Variants in CCDC125 observed in about 807,000 individuals in gnomAD.
CCDC125 encodes the protein coiled-coil domain-containing protein 125.
CCDC125 carries 43 observed loss-of-function variants against 57.4 expected under a neutral mutation model. The observed-to-expected ratio is 0.75, with a 90% confidence interval of 0.59 to 0.97. The LOEUF (loss-of-function observed/expected upper bound fraction) is 0.97. Among genes scored for constraint, CCDC125 ranks in the 50% least tolerant of loss-of-function variants. The pLI is 0.00. For synonymous variants in CCDC125, 187 were observed against 195.2 expected, an observed-to-expected ratio of 0.96 and a Z score of 0.35; for missense variants, 563 against 595.7, an observed-to-expected ratio of 0.95 and a Z score of 0.57.
intron 9 of CCDC125, among the ~76,000 whole-genome samples, chr5:69,292,733 C>T (rs1192826476): frequency 3.3e-5 from 5 of 152,138 alleles, no homozygotes; most frequent in Non-Finnish European, 5.9e-5. Flanking sequence ...CCAGACCACA[C>T]CACTGAAAAT....
intron 1 of CCDC125, among the ~76,000 whole-genome samples, chr5:69,322,547 G>C (rs1760191428): frequency 6.6e-6 from 1 of 151,262 alleles, no homozygotes; most frequent in Admixed American, 6.6e-5. Context: ...AACACAGTGA[G>C]AACCTGTCTC....
chr5:69,315,443 A>AAG (rs1316453546), intron 2 of CCDC125, among the ~76,000 whole-genome samples: 1 of 25,738 alleles, frequency 3.9e-5, no homozygotes. Flanking sequence ...GTCTCAAAAA[A>AAG]AAAAAACAAA....
intron 10 of CCDC125, among the ~76,000 whole-genome samples, chr5:69,289,628 G>T (rs955312164): frequency 3.9e-5 from 6 of 152,148 alleles, no homozygotes; most frequent in African/African-American, 1.4e-4. Flanking sequence ...TTGGGAGGCC[G>T]AGGAGGGAGG....
chr5:69,308,231 T>C, intron 4 of CCDC125: 1 of 587,596 alleles, frequency 1.7e-6, no homozygotes. Flanking sequence ...AATGTGGGAA[T>C]TAATGGATGA....
chr5:69,319,129 T>C (rs1302022490), intron 2 of CCDC125, among the ~76,000 whole-genome samples: 1 of 151,988 alleles, frequency 6.6e-6, no homozygotes, highest in African/African-American at 2.4e-5. Context: ...GGTTTTGCCA[T>C]GTTGGCCAGG....
chr5:69,312,280 T>C (rs1758285832), intron 3 of CCDC125, among the ~76,000 whole-genome samples: 1 of 152,184 alleles, frequency 6.6e-6, no homozygotes, highest in South Asian at 2.1e-4. Context: ...AGGACTCTCC[T>C]CTAAAGCCTT....
intron 11 of CCDC125, 151 bp downstream of exon 11, chr5:69,285,186 A>G: frequency 1.8e-6 from 1 of 553,724 alleles, no homozygotes. Context: ...ATATATATAT[A>G]TATCAAAAAG....
At chr5:69,291,271 G>C (rs763310880) in intron 10 of CCDC125, among the ~76,000 whole-genome samples, 1 of 152,002 alleles carries the variant, frequency 6.6e-6, no homozygotes, top group Non-Finnish European at 1.5e-5. Context: ...AAAAATAACA[G>C]CTACTTTGTT....
chr5:69,307,479 G>A (rs924455359), intron 5 of CCDC125, among the ~76,000 whole-genome samples: 1 of 152,138 alleles, frequency 6.6e-6, no homozygotes, highest in East Asian at 1.9e-4. Context: ...TCAGGAGATC[G>A]AGACCATTCT....
At chr5:69,312,485 C>A (rs1035093377) in intron 3 of CCDC125, among the ~76,000 whole-genome samples, 2 of 152,192 alleles carry the variant, frequency 1.3e-5, no homozygotes, top group African/African-American at 4.8e-5. Context: ...AGACACCCCT[C>A]GCAGAAACTG....
chr5:69,303,455 C>G (rs1012747954), intron 7 of CCDC125, among the ~76,000 whole-genome samples: 1 of 149,576 alleles, frequency 6.7e-6, no homozygotes, highest in Non-Finnish European at 1.5e-5. Context: ...ACCTCGGCCT[C>G]CAGAGTAAAA....
chr5:69,310,027 AT>A (rs1757902334), intron 4 of CCDC125: 1 of 152,082 alleles, frequency 6.6e-6, no homozygotes, highest in Admixed American at 6.6e-5. Context: ...CTACATCCCC[AT>A]TGTATGTAGG....
At chr5:69,311,617 A>C (rs1419172641) in intron 3 of CCDC125, among the ~76,000 whole-genome samples, 5 of 151,200 alleles carry the variant, frequency 3.3e-5, no homozygotes, top group African/African-American at 1.2e-4. Flanking sequence ...GAGCCACTGC[A>C]CTCCAGTCTG....
At chr5:69,325,406 A>G (rs1760603650) in intron 1 of CCDC125, among the ~76,000 whole-genome samples, 1 of 151,720 alleles carries the variant, frequency 6.6e-6, no homozygotes, top group South Asian at 2.1e-4. Context: ...TAAGTGCCTT[A>G]GATTATATTT....
chr5:69,321,655 A>C (rs1052547725), intron 1 of CCDC125, among the ~76,000 whole-genome samples: 17 of 152,228 alleles, frequency 1.1e-4, no homozygotes, highest in African/African-American at 3.9e-4. Flanking sequence ...ATCTTATGGG[A>C]CCACCACTGT....
At chr5:69,307,240 A>G (rs182311325) in intron 5 of CCDC125, among the ~76,000 whole-genome samples, 4 of 152,096 alleles carry the variant, frequency 2.6e-5, no homozygotes, top group South Asian at 4.2e-4. Context: ...TCTTAACTCA[A>G]TGGTCCCATC....
intron 3 of CCDC125, among the ~76,000 whole-genome samples, chr5:69,311,880 T>C (rs13154469): frequency 0.43 from 65,192 of 151,590 alleles, 14,311 homozygotes; most frequent in South Asian, 0.49. Flanking sequence ...ATTGCAGGCA[T>C]GTGCCACTAC....
At chr5:69,314,184 A>C in intron 2 of CCDC125, 138 bp from the exon 3 acceptor site, 1 of 603,496 alleles carries the variant, frequency 1.7e-6, no homozygotes, top group Non-Finnish European at 2.9e-6. Context: ...ATAATAGAAC[A>C]CCAGGTGCGG....
chr5:69,323,081 C>A (rs963553676), intron 1 of CCDC125, among the ~76,000 whole-genome samples: 1 of 151,764 alleles, frequency 6.6e-6, no homozygotes, highest in Non-Finnish European at 1.5e-5. Flanking sequence ...CCAAGGTGGG[C>A]GGATCACTTG....
Sources: allele counts gnomAD v4.1 joint callset (sites outside exome capture counted in the v4.1 genomes callset), GRCh38; gene constraint gnomAD v4.1.1; transcripts MANE v1.5; gene names NCBI Gene and HGNC (gene_info 2026-07-23, HGNC 2026-07-21).